C12orf42: variants seen among roughly 807,000 people sequenced by gnomAD.
C12orf42 encodes chromosome 12 open reading frame 42.
A neutral mutation model predicts 21.6 loss-of-function variants in C12orf42; 25 were observed. That is an observed-to-expected ratio of 1.16 (90% CI 0.84 to 1.62). C12orf42 has a LOEUF of 1.62. Among genes scored for constraint, C12orf42 ranks in the 40% most tolerant of loss-of-function variants. The pLI is 0.00. For synonymous variants in C12orf42, 174 were observed against 175.0 expected (o/e 0.99, Z 0.05); for missense variants, 483 against 459.3 (o/e 1.05, Z -0.47).
the C12orf42 span, among the ~76,000 whole-genome samples, chr12:103,111,205 A>G: frequency 5.9e-5 from 9 of 152,214 alleles, no homozygotes; most frequent in Admixed American, 5.9e-4. Context: ...AAATAATAGA[A>G]ATGTAAAAAA....
chr12:103,337,745 T>G (rs1409104510), intron 4 of C12orf42, among the ~76,000 whole-genome samples: 2 of 152,104 alleles, frequency 1.3e-5, no homozygotes, highest in African/African-American at 4.8e-5. Context: ...ACGCAAACCT[T>G]CTCTATTCTC....
At chr12:103,323,173 C>T (rs1019979315) in intron 4 of C12orf42, among the ~76,000 whole-genome samples, 16 of 152,200 alleles carry the variant, frequency 1.1e-4, no homozygotes, top group African/African-American at 3.9e-4. Context: ...TCTTTTTTTA[C>T]CTCCAAATTC....
chr12:103,366,908 T>C (rs1426019573), intron 4 of C12orf42, among the ~76,000 whole-genome samples: 1 of 152,052 alleles, frequency 6.6e-6, no homozygotes, highest in Admixed American at 6.6e-5. Flanking sequence ...TTTAAAGAAC[T>C]AAAAGTAGAA....
chr12:103,452,607 C>G (rs1003085769), intron 2 of C12orf42, among the ~76,000 whole-genome samples: 1 of 152,072 alleles, frequency 6.6e-6, no homozygotes, highest in Non-Finnish European at 1.5e-5. Flanking sequence ...TTCACAATAG[C>G]AAAGACTTGG....
chr12:103,217,002 C>G, the C12orf42 span, among the ~76,000 whole-genome samples: 2 of 152,052 alleles, frequency 1.3e-5, no homozygotes. Flanking sequence ...ACCACCACCC[C>G]TGGCTCATTT....
intron 4 of C12orf42, among the ~76,000 whole-genome samples, chr12:103,332,588 T>C (rs2041336712): frequency 6.6e-6 from 1 of 152,242 alleles, no homozygotes. Flanking sequence ...CTTGTCTATC[T>C]CCAGATCAAT....
chr12:103,060,917 A>C, the C12orf42 span, among the ~76,000 whole-genome samples: 1,221 of 152,308 alleles, frequency 8.0e-3, 15 homozygotes, highest in African/African-American at 0.028. Flanking sequence ...GCTTGGGCAA[A>C]GACTTCATGA....
chr12:103,445,001 CCATAAA>C (rs1344319759), intron 2 of C12orf42, among the ~76,000 whole-genome samples: 1 of 151,804 alleles, frequency 6.6e-6, no homozygotes, highest in Non-Finnish European at 1.5e-5. Flanking sequence ...AAGTAATAAA[CCATAAA>C]CATAAACATA....
chr12:103,190,433 G>T, the C12orf42 span, among the ~76,000 whole-genome samples: 94 of 152,128 alleles, frequency 6.2e-4, no homozygotes, highest in African/African-American at 2.2e-3. Context: ...CAGAAACAAG[G>T]CTTCACCAGC....
At chr12:103,216,511 C>T in the C12orf42 span, among the ~76,000 whole-genome samples, 2 of 151,856 alleles carry the variant, frequency 1.3e-5, no homozygotes, top group African/African-American at 4.8e-5. Context: ...GCTGGGACTA[C>T]AGTAGGCTCC....
chr12:103,140,949 AT>A, the C12orf42 span, among the ~76,000 whole-genome samples: 1 of 152,196 alleles, frequency 6.6e-6, no homozygotes, highest in Admixed American at 6.5e-5. Context: ...TAAAAGCTAA[AT>A]ATAAGCCTGC....
chr12:103,341,598 T>C (rs2042180585), intron 4 of C12orf42, among the ~76,000 whole-genome samples: 2 of 151,842 alleles, frequency 1.3e-5, no homozygotes. Context: ...ATGAGACAAA[T>C]GAATGCAAAT....
chr12:103,168,036 A>T, the C12orf42 span: 7 of 455,698 alleles, frequency 1.5e-5, no homozygotes, highest in African/African-American at 1.4e-4. Flanking sequence ...ATCTCTTTAT[A>T]GGTGAGGGAG....
intron 3 of C12orf42, among the ~76,000 whole-genome samples, chr12:103,395,360 G>C (rs1272971907): frequency 6.7e-6 from 1 of 149,266 alleles, no homozygotes; most frequent in Non-Finnish European, 1.5e-5. Context: ...TTTTGAGACG[G>C]AGTCTCACTC....
chr12:103,170,809 G>T, the C12orf42 span, among the ~76,000 whole-genome samples: 1 of 152,054 alleles, frequency 6.6e-6, no homozygotes, highest in Admixed American at 6.6e-5. Flanking sequence ...AATATAAATT[G>T]GCTTGTTGTC....
chr12:103,287,543 C>T (rs536815206), intron 4 of C12orf42, among the ~76,000 whole-genome samples: 3 of 151,868 alleles, frequency 2.0e-5, no homozygotes, highest in Non-Finnish European at 4.4e-5. Context: ...CATCACACAC[C>T]AGGGACTGTT....
chr12:103,234,394 C>A (rs2033405565), downstream of C12orf42, among the ~76,000 whole-genome samples: 1 of 151,946 alleles, frequency 6.6e-6, no homozygotes, highest in Admixed American at 6.6e-5. Flanking sequence ...GTCATGGTGA[C>A]TTTTTTGTGA....
the C12orf42 span, among the ~76,000 whole-genome samples, chr12:103,534,095 A>G: frequency 6.6e-6 from 1 of 152,246 alleles, no homozygotes; most frequent in Admixed American, 6.5e-5. Context: ...ACAAAAATAG[A>G]TTAAGGACCT....
chr12:103,099,759 C>T, the C12orf42 span, among the ~76,000 whole-genome samples: 1 of 152,130 alleles, frequency 6.6e-6, no homozygotes, highest in Non-Finnish European at 1.5e-5. Context: ...TTCTCAACAA[C>T]CTGGTGATAA....
Sources: allele counts gnomAD v4.1 joint callset (sites outside exome capture counted in the v4.1 genomes callset), GRCh38; gene constraint gnomAD v4.1.1; transcripts MANE v1.5; gene names NCBI Gene and HGNC (gene_info 2026-07-23, HGNC 2026-07-21).